Variants in WWOX observed in about 807,000 individuals in gnomAD.
WWOX encodes the protein WW domain containing oxidoreductase, also known as WW domain-containing oxidoreductase.
Under a neutral mutation model 46.2 loss-of-function variants are expected in WWOX, and 69 were observed. The observed-to-expected ratio is 1.49, with a 90% CI of 1.23 to 1.82. The LOEUF (loss-of-function observed/expected upper bound fraction) is 1.82. Among genes scored for constraint, WWOX ranks in the 40% most tolerant of loss-of-function variants. WWOX has a pLI of 0.00. For missense variants in WWOX, 919 were observed against 542.6 expected (o/e 1.69, Z -6.89); for synonymous variants, 359 against 202.6 (o/e 1.77, Z -6.56).
chr16:78,164,394 C>G (rs371281618), intron 5 of WWOX, 105 bp downstream of exon 5: 14 of 1,001,376 alleles, frequency 1.4e-5, no homozygotes, highest in Middle Eastern at 2.1e-4. Context: ...CTCTTGGAAT[C>G]ATGTCTTTAT....
chr16:78,788,802 G>A lies in WWOX; in HGVS notation c.1056+356050G>A, dbSNP rs531541878. On this transcript the variant is annotated intron_variant, in intron 8 of 8. Transcript: ENST00000566780. ...CTGAAGTCTCTGACTTGCTATTGGTGTCTGGGGGTATGGGGGGCAGTCTTG... is the reference window on the plus strand; with the variant it reads ...CTGAAGTCTCTGACTTGCTATTGGTATCTGGGGGTATGGGGGGCAGTCTTG... Among the ~76,000 whole-genome samples the A allele has an allele frequency of 2.0e-5, 3 of 152,310 alleles. No homozygotes were observed. The South Asian group carries it at 6.2e-4, about 32-fold the overall frequency.
chr16:78,783,055 A>T (rs2142560786), intron 8 of WWOX, among the ~76,000 whole-genome samples: 1 of 152,378 alleles, frequency 6.6e-6, no homozygotes, highest in East Asian at 1.9e-4. Context: ...ACTTAAACTC[A>T]ATATGGAAAG....
chr16:78,890,012 AGG>A (rs750266648), intron 8 of WWOX, among the ~76,000 whole-genome samples: 49 of 152,120 alleles, frequency 3.2e-4, no homozygotes, highest in Admixed American at 1.6e-3. Flanking sequence ...CCTAAATGTT[AGG>A]AATTTTCTGA....
At chr16:79,173,029 T>G (rs1279453188) in intron 8 of WWOX, among the ~76,000 whole-genome samples, 2 of 152,068 alleles carry the variant, frequency 1.3e-5, no homozygotes, top group African/African-American at 4.8e-5. Context: ...TCTAAATAAG[T>G]AAATAAATGC....
intron 8 of WWOX, among the ~76,000 whole-genome samples, chr16:78,937,528 C>T (rs1169469959): frequency 7.3e-6 from 1 of 136,366 alleles, no homozygotes; most frequent in Admixed American, 8.0e-5. Flanking sequence ...CTCCTGAGTT[C>T]AAGTGATCTG....
At chr16:78,839,530 A>G (rs57235061) in intron 8 of WWOX, among the ~76,000 whole-genome samples, 15,609 of 152,072 alleles carry the variant, frequency 0.1, 911 homozygotes, top group South Asian at 0.18. Flanking sequence ...CCCCTTCCTC[A>G]TGCTAATAGG....
intron 8 of WWOX, chr16:78,891,259 T>G (rs1173631890): frequency 6.6e-6 from 1 of 152,216 alleles, no homozygotes. Context: ...TTAGGATTGT[T>G]GATCTGTAAA....
chr16:79,059,918 C>G (rs1158764579), intron 8 of WWOX, among the ~76,000 whole-genome samples: 3 of 152,062 alleles, frequency 2.0e-5, no homozygotes, highest in Non-Finnish European at 2.9e-5. Flanking sequence ...TTCTTTTTTT[C>G]CTCCAGAAAT....
intron 8 of WWOX, among the ~76,000 whole-genome samples, chr16:79,167,036 G>T (rs2050608274): frequency 6.6e-6 from 1 of 152,046 alleles, no homozygotes; most frequent in Admixed American, 6.6e-5. Flanking sequence ...CACCTCCCAG[G>T]TTCAAACAAT....
chr16:78,773,301 C>T (rs1241687610), intron 8 of WWOX, among the ~76,000 whole-genome samples: 1 of 152,180 alleles, frequency 6.6e-6, no homozygotes, highest in African/African-American at 2.4e-5. Flanking sequence ...GCTCTGGCTT[C>T]TGGACTGTCA....
intron 5 of WWOX, among the ~76,000 whole-genome samples, chr16:78,354,500 T>C (rs1439664432): frequency 2.0e-5 from 3 of 152,156 alleles, no homozygotes. Flanking sequence ...AAAACTTGTA[T>C]AAACTGGCAA....
rs61362715 is a variant in WWOX at position 79,017,429 on chromosome 16, C to CAAAAAAAAAAAAAAAAAAAA, written c.1057-194165_1057-194146dup. 16 of 39,124 alleles carry CAAAAAAAAAAAAAAAAAAAA rather than the reference C, an allele frequency of 4.1e-4. 1 individual carries two copies. Among genetic ancestry groups the CAAAAAAAAAAAAAAAAAAAA allele is most frequent in the Admixed American group, 1.1e-3 (2 of 1,802 alleles). 2.4% of individuals were successfully genotyped at this position (39,124 alleles called of 1,614,324 possible). Reference sequence around the variant, plus strand: ...TGGGCAACAGAGCGAGAATCCATCTCAAAAAAAAAAAAAAAAAAAAAAAAA... The same window carrying CAAAAAAAAAAAAAAAAAAAA: ...TGGGCAACAGAGCGAGAATCCATCTCAAAAAAAAAAAAAAAAAAAAAAAAAAAAAAAAAAAAAAAAAAAAA... On this transcript the variant is annotated intron_variant, in intron 8 of 8. Transcript: ENST00000566780.
chr16:79,026,870 C>T (rs746323855), intron 8 of WWOX, among the ~76,000 whole-genome samples: 1 of 149,034 alleles, frequency 6.7e-6, no homozygotes. Flanking sequence ...ACCTTGTGAT[C>T]TGCCCACCTC....
intron 8 of WWOX, among the ~76,000 whole-genome samples, chr16:78,668,739 G>T (rs1276844300): frequency 1.3e-5 from 2 of 152,198 alleles, no homozygotes; most frequent in Non-Finnish European, 2.9e-5. Context: ...CACCCTGGAA[G>T]TTGAGTGATG....
intron 8 of WWOX, among the ~76,000 whole-genome samples, chr16:78,578,286 T>TATACATATA (rs1203362503): frequency 5.2e-5 from 1 of 19,096 alleles, no homozygotes; most frequent in Non-Finnish European, 1.5e-4. Flanking sequence ...ATATATATAT[T>TATACATATA]TTTTTTTTTT....
At chr16:78,771,282 G>C (rs867009300) in intron 8 of WWOX, among the ~76,000 whole-genome samples, 1 of 152,180 alleles carries the variant, frequency 6.6e-6, no homozygotes, top group Non-Finnish European at 1.5e-5. Flanking sequence ...GACTGAAACA[G>C]GGTATCCAGT....
intron 5 of WWOX, among the ~76,000 whole-genome samples, chr16:78,184,356 T>A (rs1374937505): frequency 6.6e-6 from 1 of 152,172 alleles, no homozygotes; most frequent in Non-Finnish European, 1.5e-5. Context: ...TTTCTCATGA[T>A]GCCAGAGAAA....
In WWOX at chr16:78,974,819, C is replaced by G. The variant is rs570880503; in HGVS notation, c.1057-236789C>G. The stretch of plus-strand genomic sequence containing the variant: ...GGCGTAATCTTCTGAGACCCACAAC[C>G]TAAGCCGGGAAGCAGAGGCAATTTA... On this transcript the variant is annotated intron_variant, in intron 8 of 8. Transcript: ENST00000566780. Among the ~76,000 whole-genome samples the G allele has an allele frequency of 3.9e-5, 6 of 152,286 alleles. No individual in the cohort carries two copies. In the South Asian group the frequency reaches 6.2e-4, roughly 16 times the overall value.
At chr16:78,732,228 G>A (rs2142386851) in intron 8 of WWOX, among the ~76,000 whole-genome samples, 1 of 152,206 alleles carries the variant, frequency 6.6e-6, no homozygotes. Context: ...AGGTGACGCT[G>A]CAGACTCTTG....
Sources: allele counts gnomAD v4.1 joint callset (sites outside exome capture counted in the v4.1 genomes callset), GRCh38; gene constraint gnomAD v4.1.1; transcripts MANE v1.5; gene names NCBI Gene and HGNC (gene_info 2026-07-23, HGNC 2026-07-21).